RAP1GAP2: variants seen among roughly 807,000 people sequenced by gnomAD.
RAP1GAP2 encodes rap1 GTPase-activating protein 2.
Under a neutral mutation model 95.0 loss-of-function variants are expected in RAP1GAP2, and 27 were observed. That is an observed-to-expected ratio of 0.28 (90% CI 0.21 to 0.39). RAP1GAP2 has a LOEUF of 0.39. Ranked by LOEUF, RAP1GAP2 falls within the 10% of genes least tolerant of loss-of-function variation. RAP1GAP2 has a pLI of 1.00. For synonymous variants in RAP1GAP2, 373 were observed against 380.9 expected (o/e 0.98, Z 0.24); for missense variants, 771 against 970.0 (o/e 0.79, Z 2.72).
At chr17:2,905,961 A>G (rs1181403506) in intron 3 of RAP1GAP2, among the ~76,000 whole-genome samples, 1 of 152,234 alleles carries the variant, frequency 6.6e-6, no homozygotes, top group South Asian at 2.1e-4. Context: ...TTCTGCCACC[A>G]TGACCTTCCC....
At chr17:2,763,861 G>A (rs2068230346) in intron 1 of RAP1GAP2, among the ~76,000 whole-genome samples, 1 of 152,062 alleles carries the variant, frequency 6.6e-6, no homozygotes, top group South Asian at 2.1e-4. Context: ...TGAGTGATGG[G>A]GTTGGAGTGG....
rs1221078025 is a variant in RAP1GAP2 at position 3,008,259 on chromosome 17, T to C, written c.1494+114T>C. 2.0e-6 allele frequency: 3 copies of C among 1,476,924 alleles called. No individual in the cohort carries two copies. The East Asian group carries it at 6.9e-5, about 34-fold the overall frequency. The allele number at this position is 1,476,924 out of a possible 1,614,324, so 91.5% of individuals were successfully genotyped here. On this transcript the variant is annotated intron_variant, in intron 17 of 24. Coordinates refer to ENST00000254695, the MANE Select transcript of RAP1GAP2 (RefSeq NM_015085.5). This position sits in a 1 kb window ranked among gnomAD's most constrained non-coding sequence, Gnocchi z 4.2. ...AGAGCCCAAGGGCCAGCTGGAGGGG[T>C]GACAGGAAACGTATGGGTATCCTAG...
chr17:2,988,796 T>A (rs1699228819), intron 11 of RAP1GAP2, among the ~76,000 whole-genome samples: 1 of 152,234 alleles, frequency 6.6e-6, no homozygotes, highest in African/African-American at 2.4e-5. Flanking sequence ...GCGCAGTGGC[T>A]CACGCCTGTA....
intron 2 of RAP1GAP2, among the ~76,000 whole-genome samples, chr17:2,834,709 A>G (rs1037144283): frequency 2.0e-5 from 3 of 151,908 alleles, no homozygotes; most frequent in Admixed American, 2.0e-4. Flanking sequence ...AAGTGGGAGG[A>G]CTGCTTGAGC....
At chr17:2,776,236 C>G (rs563863962), upstream of RAP1GAP2, among the ~76,000 whole-genome samples, 110 of 152,306 alleles carry the variant, frequency 7.2e-4, 1 homozygote, top group Middle Eastern at 0.014. Context: ...CTGAGCAGCC[C>G]TGGAGACTCG....
Position 2,991,365 on chromosome 17 carries a change from G to A in RAP1GAP2, c.882G>A (p.Leu294=). The part of the protein sequence containing the change: ...SPAFKEFLDL[L]GDTITLQDFK... ...CTTTTAAGGAGTTCTTGGACCTGCTGGGGGACACGATCACACTGCAGGATT... is the reference window on the plus strand; with the variant it reads ...CTTTTAAGGAGTTCTTGGACCTGCTAGGGGACACGATCACACTGCAGGATT... The change falls in exon 12 of 25, where the codon CTG becomes CTA. Residue 294 remains leucine, a synonymous_variant. Transcript: ENST00000254695. 1 of 1,604,676 alleles carries A rather than the reference G, an allele frequency of 6.2e-7. No individual in the cohort carries two copies.
intron 2 of RAP1GAP2, among the ~76,000 whole-genome samples, chr17:2,876,038 CG>C (rs1221088583): frequency 4.0e-5 from 6 of 151,528 alleles, no homozygotes; most frequent in Non-Finnish European, 2.9e-5. Flanking sequence ...CCCGGGTTCA[CG>C]CCATTCTCCT....
chr17:2,907,231 G>A (rs561087624), intron 3 of RAP1GAP2, among the ~76,000 whole-genome samples: 39 of 152,268 alleles, frequency 2.6e-4, no homozygotes, highest in South Asian at 1.9e-3. Flanking sequence ...TCTCATGACC[G>A]CCCACCTAAA....
chr17:2,806,622 C>T (rs1166360289), intron 2 of RAP1GAP2, among the ~76,000 whole-genome samples: 5 of 151,476 alleles, frequency 3.3e-5, no homozygotes, highest in Admixed American at 1.3e-4. Context: ...GTCTTGAACT[C>T]GTGACCTCAG....
intron 1 of RAP1GAP2, among the ~76,000 whole-genome samples, chr17:2,778,602 C>G (rs907646661): frequency 6.6e-6 from 1 of 152,042 alleles, no homozygotes; most frequent in African/African-American, 2.4e-5. Context: ...GGGAAAGGGA[C>G]CCTGGCATGG....
intron 1 of RAP1GAP2, among the ~76,000 whole-genome samples, chr17:2,783,983 T>C (rs2068714158): frequency 6.6e-6 from 1 of 152,184 alleles, no homozygotes. Context: ...TTTATTTGTT[T>C]ATTTATTGAG....
At chr17:2,805,519 C>CTAT (rs763208278) in intron 2 of RAP1GAP2, among the ~76,000 whole-genome samples, 59 of 151,810 alleles carry the variant, frequency 3.9e-4, no homozygotes, top group East Asian at 9.7e-4. Context: ...CCACGCCCAG[C>CTAT]TATTATTATT....
chr17:2,999,796 AC>A (rs1287778451), intron 14 of RAP1GAP2, among the ~76,000 whole-genome samples: 2 of 151,212 alleles, frequency 1.3e-5, no homozygotes, highest in Non-Finnish European at 2.9e-5. Flanking sequence ...AAAAAAAAAA[AC>A]AGAACAAAAC....
chr17:3,032,674 A>G (rs2151680784), intron 24 of RAP1GAP2, among the ~76,000 whole-genome samples: 1 of 152,302 alleles, frequency 6.6e-6, no homozygotes, highest in Non-Finnish European at 1.5e-5. Context: ...GACTAGACGT[A>G]CTAGTTAGGC....
intron 2 of RAP1GAP2, among the ~76,000 whole-genome samples, chr17:2,877,545 C>G (rs1442509994): frequency 6.6e-6 from 1 of 152,010 alleles, no homozygotes; most frequent in Non-Finnish European, 1.5e-5. Flanking sequence ...GTCAGGAGTT[C>G]AAGACCAGCC....
chr17:3,009,318 T>C (rs1375961041), intron 17 of RAP1GAP2, among the ~76,000 whole-genome samples: 1 of 152,222 alleles, frequency 6.6e-6, no homozygotes, highest in African/African-American at 2.4e-5. Flanking sequence ...TCACACACAT[T>C]ATCCCACCTG....
At chr17:2,845,283 C>G (rs1037403811) in intron 2 of RAP1GAP2, among the ~76,000 whole-genome samples, 2 of 152,166 alleles carry the variant, frequency 1.3e-5, no homozygotes, top group African/African-American at 4.8e-5. Context: ...GCTGGGATTA[C>G]AGGCGCCCAC....
intron 4 of RAP1GAP2, among the ~76,000 whole-genome samples, chr17:2,959,043 T>C (rs2044217878): frequency 6.6e-6 from 1 of 152,148 alleles, no homozygotes; most frequent in Non-Finnish European, 1.5e-5. Context: ...AGATGGTATA[T>C]AATCAAGTGC....
intron 2 of RAP1GAP2, among the ~76,000 whole-genome samples, chr17:2,893,445 CTATT>C (rs761411189): frequency 2.6e-5 from 4 of 152,200 alleles, no homozygotes; most frequent in African/African-American, 7.2e-5. Context: ...CAGAATATCT[CTATT>C]TATATCTCCT....
Sources: allele counts gnomAD v4.1 joint callset (sites outside exome capture counted in the v4.1 genomes callset), GRCh38; gene constraint gnomAD v4.1.1; non-coding constraint Gnocchi (gnomAD v3.1); transcripts MANE v1.5; gene names NCBI Gene and HGNC (gene_info 2026-07-23, HGNC 2026-07-21).